The following CDH13 variants were observed in gnomAD, a reference collection of about 807,000 sequenced individuals.
CDH13 encodes cadherin 13.
CDH13 carries 24 observed loss-of-function variants against 63.8 expected under a neutral mutation model. The observed-to-expected ratio is 0.38, with a 90% confidence interval of 0.27 to 0.53. The LOEUF (loss-of-function observed/expected upper bound fraction) is 0.53. Ranked by LOEUF, CDH13 falls within the 20% of genes least tolerant of loss-of-function variation. The pLI is 0.85. For missense variants in CDH13, 1,049 were observed against 903.1 expected, an observed-to-expected ratio of 1.16 and a Z score of -2.07; for synonymous variants, 503 against 355.3, an observed-to-expected ratio of 1.42 and a Z score of -4.67.
chr16:83,423,996 A>C (rs760774362), intron 6 of CDH13, among the ~76,000 whole-genome samples: 4 of 152,200 alleles, frequency 2.6e-5, no homozygotes, highest in Non-Finnish European at 4.4e-5. Flanking sequence ...CCAGTCTAGA[A>C]GAGGGAAATC....
At chr16:83,716,189 CA>C (rs1908865418) in intron 10 of CDH13, among the ~76,000 whole-genome samples, 1 of 152,216 alleles carries the variant, frequency 6.6e-6, no homozygotes, top group South Asian at 2.1e-4. Flanking sequence ...CCTGCCCCCA[CA>C]CATGCACAGC....
At chr16:83,177,242 A>G (rs2038165697) in intron 4 of CDH13, among the ~76,000 whole-genome samples, 1 of 152,228 alleles carries the variant, frequency 6.6e-6, no homozygotes, top group African/African-American at 2.4e-5. Flanking sequence ...TTTATCTTAA[A>G]TATGACAATT....
intron 6 of CDH13, among the ~76,000 whole-genome samples, chr16:83,448,343 C>A (rs566936082): frequency 1.3e-4 from 20 of 152,122 alleles, no homozygotes; most frequent in African/African-American, 4.6e-4. Flanking sequence ...ATGCAGAGAT[C>A]CAAGATACCA....
intron 2 of CDH13, among the ~76,000 whole-genome samples, chr16:83,005,086 G>A (rs1255624082): frequency 1.3e-5 from 2 of 152,182 alleles, no homozygotes; most frequent in Admixed American, 6.5e-5. Flanking sequence ...CCGCTGCAAT[G>A]GAGGCTGGGA....
chr16:82,825,078 T>A (rs1373216265), intron 1 of CDH13: 5 of 152,174 alleles, frequency 3.3e-5, no homozygotes, highest in Non-Finnish European at 7.3e-5. Context: ...ATATTGAGGT[T>A]GAGCGATGGA....
At chr16:83,558,023 T>G (rs926465523) in intron 7 of CDH13, among the ~76,000 whole-genome samples, 2 of 152,118 alleles carry the variant, frequency 1.3e-5, no homozygotes, top group African/African-American at 4.8e-5. Context: ...GGGAAATCAA[T>G]GATTGTACAG....
chr16:83,132,071 C>T (rs1408468693), intron 4 of CDH13, among the ~76,000 whole-genome samples: 6 of 152,272 alleles, frequency 3.9e-5, no homozygotes, highest in East Asian at 3.9e-4. Context: ...CCCACCTATG[C>T]GAATAGGTGC....
intron 1 of CDH13, among the ~76,000 whole-genome samples, chr16:82,729,982 G>T (rs913065854): frequency 3.3e-5 from 5 of 152,156 alleles, no homozygotes; most frequent in Non-Finnish European, 2.9e-5. Context: ...TTCTTCTGTA[G>T]TTCCTTACCT....
intron 6 of CDH13, among the ~76,000 whole-genome samples, chr16:83,407,161 A>G (rs1452243389): frequency 6.6e-6 from 1 of 152,238 alleles, no homozygotes; most frequent in African/African-American, 2.4e-5. Context: ...CAAAGCAAAC[A>G]AAACTCCCAT....
chr16:82,634,389 G>C (rs975352138), intron 1 of CDH13, among the ~76,000 whole-genome samples: 2 of 152,228 alleles, frequency 1.3e-5, no homozygotes, highest in East Asian at 3.9e-4. Context: ...CCTGTGGACT[G>C]ATTGCTGTAG....
At chr16:83,563,158 G>A (rs938611416) in intron 7 of CDH13, among the ~76,000 whole-genome samples, 5 of 152,218 alleles carry the variant, frequency 3.3e-5, no homozygotes, top group African/African-American at 4.8e-5. Flanking sequence ...CCATGGACTT[G>A]CAAAGAGAGG....
At chr16:83,050,385 A>G (rs2030175777) in intron 3 of CDH13, among the ~76,000 whole-genome samples, 1 of 152,180 alleles carries the variant, frequency 6.6e-6, no homozygotes, top group Non-Finnish European at 1.5e-5. Context: ...CTTCTACAGC[A>G]GCTGAACCAC....
At chr16:83,494,847 A>G (rs1021921972) in intron 7 of CDH13, among the ~76,000 whole-genome samples, 3 of 152,144 alleles carry the variant, frequency 2.0e-5, no homozygotes, top group African/African-American at 7.2e-5. Flanking sequence ...AAGCTTGTTG[A>G]TCGTATTATT....
intron 6 of CDH13, among the ~76,000 whole-genome samples, chr16:83,389,008 C>T (rs1202987969): frequency 2.0e-5 from 3 of 152,154 alleles, no homozygotes; most frequent in Admixed American, 6.5e-5. Context: ...CCAGGCACCA[C>T]CCTAAAACCA....
rs535597691 is a variant in CDH13 at position 82,966,143 on chromosome 16, T to TTTTG, written c.158-65846_158-65843dup. Among the ~76,000 whole-genome samples the TTTTG allele has an allele frequency of 3.5e-3, 528 of 152,154 alleles. 4 individuals are homozygous for TTTTG. Among genetic ancestry groups the TTTTG allele is most frequent in the Middle Eastern group, 0.017 (5 of 294 alleles). On this transcript the variant is annotated intron_variant, in intron 2 of 13. Transcript: ENST00000567109. ...GAGAAGTAGATACTATTTTTCCTAT[T>TTTTG]TTTGTTTGTTTGTTTGTTTGTTTGA...
chr16:82,864,366 G>T (rs1171965805), intron 2 of CDH13, among the ~76,000 whole-genome samples: 1 of 152,164 alleles, frequency 6.6e-6, no homozygotes, highest in Non-Finnish European at 1.5e-5. Context: ...AACTACCTGA[G>T]ATGGGGTAAT....
intron 6 of CDH13, among the ~76,000 whole-genome samples, chr16:83,368,204 C>T (rs1052340934): frequency 6.6e-6 from 1 of 152,146 alleles, no homozygotes; most frequent in South Asian, 2.1e-4. Context: ...GCTCAAATCT[C>T]GTAGTAGAGC....
chr16:83,663,418 A>C (rs1371599739), intron 8 of CDH13, among the ~76,000 whole-genome samples: 1 of 152,238 alleles, frequency 6.6e-6, no homozygotes, highest in East Asian at 1.9e-4. Flanking sequence ...TTTGGACTAC[A>C]GTTGAGTCCA....
intron 11 of CDH13, among the ~76,000 whole-genome samples, chr16:83,756,032 T>C (rs528650800): frequency 6.6e-6 from 1 of 152,338 alleles, no homozygotes; most frequent in South Asian, 2.1e-4. Context: ...ATTGGAGATG[T>C]AGTTAAAGCA....
Sources: allele counts gnomAD v4.1 joint callset (sites outside exome capture counted in the v4.1 genomes callset), GRCh38; gene constraint gnomAD v4.1.1; transcripts MANE v1.5; gene names NCBI Gene and HGNC (gene_info 2026-07-23, HGNC 2026-07-21).